The following NTRK2 variants were observed in gnomAD, a reference collection of about 807,000 sequenced individuals.
NTRK2 encodes the protein neurotrophic receptor tyrosine kinase 2.
In NTRK2, 13 loss-of-function variants were observed where a neutral mutation model predicts 94.5. The observed-to-expected ratio is 0.14, with a 90% CI of 0.09 to 0.22. The LOEUF (loss-of-function observed/expected upper bound fraction) is 0.22. Among genes scored for constraint, NTRK2 ranks in the 10% least tolerant of loss-of-function variants. The probability of loss-of-function intolerance (pLI) is 1.00; values close to 1 mark genes in which losing one functional copy is unlikely to be tolerated. For synonymous variants in NTRK2, 372 were observed against 407.4 expected, an observed-to-expected ratio of 0.91 and a Z score of 1.05; for missense variants, 639 against 1,071.2, an observed-to-expected ratio of 0.60 and a Z score of 5.63.
intron 13 of NTRK2, among the ~76,000 whole-genome samples, chr9:84,864,477 C>G (rs560668271): frequency 3.3e-5 from 5 of 152,154 alleles, no homozygotes; most frequent in Non-Finnish European, 7.3e-5. Context: ...CAAACATCAC[C>G]TGTTCCCCAA....
intron 6 of NTRK2, among the ~76,000 whole-genome samples, chr9:84,712,284 C>A (rs1210305307): frequency 6.6e-6 from 1 of 152,206 alleles, no homozygotes; most frequent in Non-Finnish European, 1.5e-5. Context: ...CGGGAATGCA[C>A]CCCGCCTTAC....
Position 84,888,982 on chromosome 9 carries a change from A to ATTTTTTTT in NTRK2, c.1633+21570_1633+21577dup, listed in dbSNP as rs71369159. Among the ~76,000 whole-genome samples the ATTTTTTTT allele has an allele frequency of 7.1e-3, 719 of 101,676 alleles. 201 individuals carry two copies. The highest frequency in any genetic ancestry group is 0.024 in the African/African-American group (596 of 24,990). 66.7% of individuals were successfully genotyped at this position (101,676 alleles called of 152,430 possible). A position where few individuals can be genotyped will look rare whatever the true frequency, so the allele number is the denominator to read the frequency against. The stretch of plus-strand genomic sequence containing the variant: ...TCCCCATTATTTATTAATGACAGAA[A>ATTTTTTTT]TTTTTTTTTTTTTTTTTTTTTTTTT... On this transcript the variant is annotated intron_variant, in intron 14 of 18. Transcript: ENST00000277120.
chr9:84,877,725 C>T lies in NTRK2; in HGVS notation c.1633+10294C>T, dbSNP rs201503257. 16 of 1,059,198 alleles carry T rather than the reference C, an allele frequency of 1.5e-5. No homozygotes were observed. The East Asian group carries it at 5.7e-4, about 38-fold the overall frequency. The allele number at this position is 1,059,198 out of a possible 1,614,324, so 65.6% of individuals were successfully genotyped here. A position where few individuals can be genotyped will look rare whatever the true frequency, so the allele number is the denominator to read the frequency against. Reference sequence around the variant, plus strand: ...CTAACACATGACTTGCATTCTCTTCCTATGTTCAGAAACTCCAGGGCTTGC... The same window carrying T: ...CTAACACATGACTTGCATTCTCTTCTTATGTTCAGAAACTCCAGGGCTTGC... On this transcript the variant is annotated intron_variant, in intron 14 of 18. Transcript: ENST00000277120.
At chr9:84,692,655 C>T (rs1056096511) in intron 2 of NTRK2, among the ~76,000 whole-genome samples, 3 of 151,800 alleles carry the variant, frequency 2.0e-5, no homozygotes, top group African/African-American at 4.8e-5. Flanking sequence ...TTAGTAGAGA[C>T]GGGGTTTCTC....
At chr9:84,993,679 GC>G (rs1829377031) in intron 17 of NTRK2, among the ~76,000 whole-genome samples, 1 of 152,100 alleles carries the variant, frequency 6.6e-6, no homozygotes, top group African/African-American at 2.4e-5. Context: ...TCTCTGGCCT[GC>G]GACATCCTGC....
intron 12 of NTRK2, among the ~76,000 whole-genome samples, chr9:84,780,892 T>C (rs540883333): frequency 6.6e-6 from 1 of 152,218 alleles, no homozygotes; most frequent in African/African-American, 2.4e-5. Context: ...CAGTGATAAT[T>C]TCAGGGGTAT....
intron 17 of NTRK2, among the ~76,000 whole-genome samples, chr9:85,011,624 T>C (rs2133516258): frequency 6.6e-6 from 1 of 152,278 alleles, no homozygotes; most frequent in African/African-American, 2.4e-5. Context: ...GAGAACCCTC[T>C]CCAGAAAACA....
chr9:84,681,304 A>G (rs1009445474), intron 2 of NTRK2, among the ~76,000 whole-genome samples: 1 of 152,170 alleles, frequency 6.6e-6, no homozygotes, highest in African/African-American at 2.4e-5. Context: ...TGGCACCATT[A>G]TCCACTCAGT....
chr9:84,703,401 G>A (rs1273293359), intron 4 of NTRK2, among the ~76,000 whole-genome samples: 1 of 152,216 alleles, frequency 6.6e-6, no homozygotes, highest in Non-Finnish European at 1.5e-5. Context: ...GACTTGCTCA[G>A]ATTCATAGAT....
intron 12 of NTRK2, among the ~76,000 whole-genome samples, chr9:84,822,613 T>C (rs2072922197): frequency 6.6e-6 from 1 of 152,086 alleles, no homozygotes; most frequent in African/African-American, 2.4e-5. Context: ...TGTGGGTGAA[T>C]AAGAGAGGGA....
chr9:84,779,858 C>T (rs971848193), intron 12 of NTRK2, among the ~76,000 whole-genome samples: 6 of 152,142 alleles, frequency 3.9e-5, no homozygotes, highest in Non-Finnish European at 8.8e-5. Flanking sequence ...GGAGAAGCCT[C>T]CTTCTGTATT....
intron 14 of NTRK2, among the ~76,000 whole-genome samples, chr9:84,895,065 A>G (rs764088931): frequency 2.0e-5 from 3 of 152,206 alleles, no homozygotes; most frequent in Non-Finnish European, 4.4e-5. Flanking sequence ...AAGAGAAGGA[A>G]GTGAAGGGTG....
chr9:84,873,010 A>T, intron 14 of NTRK2: 2 of 1,063,486 alleles, frequency 1.9e-6, no homozygotes, highest in Non-Finnish European at 2.3e-6. Flanking sequence ...TTGAGTACAC[A>T]TGAGCAAAAA....
At chr9:84,863,591 C>G (rs1413289886) in intron 13 of NTRK2, among the ~76,000 whole-genome samples, 1 of 152,172 alleles carries the variant, frequency 6.6e-6, no homozygotes, top group Non-Finnish European at 1.5e-5. Context: ...AGGCTGCTGT[C>G]AAATTATGTA....
intron 14 of NTRK2, among the ~76,000 whole-genome samples, chr9:84,908,477 A>C (rs1295891153): frequency 6.6e-6 from 1 of 152,216 alleles, no homozygotes; most frequent in African/African-American, 2.4e-5. Flanking sequence ...AAAGAGATCT[A>C]ATTGCTTTTT....
intron 14 of NTRK2, among the ~76,000 whole-genome samples, chr9:84,904,714 C>G (rs909972446): frequency 6.6e-6 from 1 of 152,072 alleles, no homozygotes; most frequent in Non-Finnish European, 1.5e-5. Context: ...TCACATTACC[C>G]CTATAGTAAC....
intron 12 of NTRK2, among the ~76,000 whole-genome samples, chr9:84,800,269 T>A (rs1341770897): frequency 6.6e-6 from 1 of 152,124 alleles, no homozygotes. Flanking sequence ...ATGGCATGAT[T>A]TAGGCCCACT....
chr9:84,710,900 T>C (rs2061381088), intron 6 of NTRK2, 109 bp downstream of exon 6: 2 of 1,057,304 alleles, frequency 1.9e-6, no homozygotes, highest in Non-Finnish European at 2.9e-6. Flanking sequence ...TAGTATTCTG[T>C]TGATGTCTCC....
At chr9:84,784,176 G>T (rs922564551) in intron 12 of NTRK2, among the ~76,000 whole-genome samples, 1 of 152,176 alleles carries the variant, frequency 6.6e-6, no homozygotes, top group African/African-American at 2.4e-5. Context: ...GTTACTAGTT[G>T]TATGACCTCC....
Sources: gnomAD v4.1 joint callset for allele counts (sites outside exome capture counted in the v4.1 genomes callset) on GRCh38, gnomAD v4.1.1 for gene constraint, MANE v1.5 for transcripts, NCBI Gene and HGNC (gene_info 2026-07-23, HGNC 2026-07-21) for gene names.